Variants in DCT observed in about 807,000 individuals in gnomAD.
DCT encodes the protein dopachrome tautomerase.
DCT carries 47 observed loss-of-function variants against 53.0 expected under a neutral mutation model. The observed-to-expected ratio is 0.89, with a 90% confidence interval of 0.70 to 1.13. DCT has a LOEUF of 1.13. Among genes scored for constraint, DCT ranks in the 50% most tolerant of loss-of-function variants. The pLI is 0.00. For synonymous variants in DCT, 244 were observed against 237.0 expected (o/e 1.03, Z -0.27); for missense variants, 669 against 637.4 (o/e 1.05, Z -0.53).
At chr13:94,468,445 G>A (rs1395641950) in intron 2 of DCT, 2 of 266,012 alleles carry the variant, frequency 7.5e-6, no homozygotes, top group Non-Finnish European at 1.4e-5. Flanking sequence ...AAAGGAATTC[G>A]CCTCCACCTC....
chr13:94,501,281 A>AAATT, the DCT span, among the ~76,000 whole-genome samples: 2 of 152,046 alleles, frequency 1.3e-5, no homozygotes, highest in African/African-American at 4.8e-5. Flanking sequence ...ATAAATAAAT[A>AAATT]AATTAATTAA....
intron 6 of DCT, chr13:94,444,520 T>C: frequency 2.8e-6 from 1 of 362,592 alleles, no homozygotes; most frequent in East Asian, 7.3e-5. Context: ...AATTACTATA[T>C]GTTTTGAAAT....
the DCT span, among the ~76,000 whole-genome samples, chr13:94,539,279 C>G: frequency 2.0e-5 from 3 of 152,098 alleles, no homozygotes; most frequent in Non-Finnish European, 4.4e-5. Context: ...GTGGGAAGAG[C>G]TGGATATTAG....
chr13:94,546,872 A>G, the DCT span, among the ~76,000 whole-genome samples: 1 of 152,054 alleles, frequency 6.6e-6, no homozygotes, highest in Non-Finnish European at 1.5e-5. This position sits in a 1 kb window ranked among gnomAD's most constrained non-coding sequence, Gnocchi z 4.2. Context: ...GTAAAGGAAG[A>G]ATGCCTCAAG....
At chr13:94,458,682 G>A (rs1005431645) in intron 6 of DCT, among the ~76,000 whole-genome samples, 2 of 151,856 alleles carry the variant, frequency 1.3e-5, no homozygotes, top group East Asian at 3.9e-4. Flanking sequence ...TGCAACTGTA[G>A]TCCCAGCTAC....
intron 1 of DCT, among the ~76,000 whole-genome samples, chr13:94,474,895 T>C (rs1884975461): frequency 6.6e-6 from 1 of 152,184 alleles, no homozygotes; most frequent in South Asian, 2.1e-4. Flanking sequence ...CTATGAGGTG[T>C]TTATTTTCCA....
At chr13:94,514,381 T>A in the DCT span, among the ~76,000 whole-genome samples, 1 of 152,184 alleles carries the variant, frequency 6.6e-6, no homozygotes, top group Non-Finnish European at 1.5e-5. Context: ...CCCTTCCTCT[T>A]GTTTCCCTTC....
At chr13:94,442,360 G>T (rs185285384) in intron 7 of DCT, among the ~76,000 whole-genome samples, 1 of 152,124 alleles carries the variant, frequency 6.6e-6, no homozygotes, top group African/African-American at 2.4e-5. Flanking sequence ...AGACTGGAGT[G>T]CAGTGGCACA....
chr13:94,523,309 A>C, the DCT span, among the ~76,000 whole-genome samples: 1 of 152,314 alleles, frequency 6.6e-6, no homozygotes, highest in East Asian at 1.9e-4. Flanking sequence ...TCTTGCCCTT[A>C]AGTCAAAACA....
rs745473948 is a variant in DCT at position 94,465,817 on chromosome 13, G to T, written c.697-18C>A. ...ATGAGTCGCTAAAAGCAAAGGGCAG[G>T]CCTAGTCATTTAATCCATGCCATCA... On this transcript the variant is annotated intron_variant, in intron 3 of 7. Coordinates refer to ENST00000377028, the MANE Select transcript of DCT (RefSeq NM_001922.5). 6 of 1,604,542 alleles carry T rather than the reference G, an allele frequency of 3.7e-6. No individual in the cohort carries two copies. Among genetic ancestry groups the T allele is most frequent in the South Asian group, 2.2e-5 (2 of 89,960 alleles).
At chr13:94,454,429 T>C (rs927626908) in intron 6 of DCT, among the ~76,000 whole-genome samples, 9 of 152,038 alleles carry the variant, frequency 5.9e-5, no homozygotes, top group African/African-American at 2.2e-4. Context: ...GTTGGTTTCC[T>C]TTTTTTTCTC....
chr13:94,495,525 A>T, the DCT span, among the ~76,000 whole-genome samples: 2 of 152,232 alleles, frequency 1.3e-5, no homozygotes, highest in African/African-American at 4.8e-5. Flanking sequence ...AACTTCAAAT[A>T]AAAAATGTAT....
chr13:94,438,563 C>T lies in DCT; in HGVS notation c.*1335G>A, dbSNP rs889961186. On this transcript the variant is annotated 3_prime_UTR_variant, in exon 8 of 8. Transcript: ENST00000377028. The stretch of plus-strand genomic sequence containing the variant: ...CATTCATTCCAGTAGAGAGGGGCCT[C>T]GACAGACAAGCCACGCCCTAGAACT... The T allele has an allele frequency of 3.3e-5, 15 of 455,484 alleles. No individual in the cohort carries two copies. The highest frequency in any genetic ancestry group is 1.6e-4 in the African/African-American group (8 of 50,040). The allele number at this position is 455,484 out of a possible 1,614,324, so 28.2% of individuals were successfully genotyped here. A position where few individuals can be genotyped will look rare whatever the true frequency, so the allele number is the denominator to read the frequency against.
the DCT span, among the ~76,000 whole-genome samples, chr13:94,511,264 C>T: frequency 6.6e-6 from 1 of 152,160 alleles, no homozygotes; most frequent in Non-Finnish European, 1.5e-5. Flanking sequence ...CTCCAATACA[C>T]CCTGCTCTCT....
At chr13:94,461,567 T>A (rs1353258850) in intron 5 of DCT, among the ~76,000 whole-genome samples, 3 of 152,228 alleles carry the variant, frequency 2.0e-5, no homozygotes, top group Non-Finnish European at 4.4e-5. Flanking sequence ...ATTGCTGTGC[T>A]ATGATTTGAG....
the DCT span, among the ~76,000 whole-genome samples, chr13:94,513,108 C>A: frequency 2.6e-5 from 4 of 152,238 alleles, no homozygotes; most frequent in Non-Finnish European, 5.9e-5. Flanking sequence ...TTCATTTCTC[C>A]TGATTCACGT....
the DCT span, among the ~76,000 whole-genome samples, chr13:94,509,188 A>G: frequency 1.9e-3 from 284 of 152,302 alleles, 2 homozygotes; most frequent in African/African-American, 6.5e-3. Context: ...GAGCTGAGAG[A>G]AAACTATGAG....
intron 6 of DCT, 132 bp from the exon 7 acceptor site, chr13:94,443,769 A>AC: frequency 2.9e-6 from 2 of 678,046 alleles, no homozygotes; most frequent in Admixed American, 4.7e-5. Flanking sequence ...TGTGTGGAAT[A>AC]CCCCCTTCTG....
the DCT span, among the ~76,000 whole-genome samples, chr13:94,502,912 T>C: frequency 3.9e-5 from 6 of 152,132 alleles, no homozygotes; most frequent in African/African-American, 1.4e-4. Flanking sequence ...CAGTGAGGCT[T>C]CCCAAGTCAG....
Sources: gnomAD v4.1 joint callset for allele counts (sites outside exome capture counted in the v4.1 genomes callset) on GRCh38, gnomAD v4.1.1 for gene constraint, Gnocchi (gnomAD v3.1) non-coding constraint, MANE v1.5 for transcripts, NCBI Gene and HGNC (gene_info 2026-07-23, HGNC 2026-07-21) for gene names.